The following AGAP3 variants were observed in gnomAD, a reference collection of about 807,000 sequenced individuals.
AGAP3 encodes the protein ArfGAP with GTPase domain, ankyrin repeat and PH domain 3, also known as arf-GAP with GTPase, ANK repeat and PH domain-containing protein 3.
Under a neutral mutation model 96.9 loss-of-function variants are expected in AGAP3, and 24 were observed. That is an observed-to-expected ratio of 0.25 (90% CI 0.18 to 0.35). The LOEUF (loss-of-function observed/expected upper bound fraction) is 0.35. Ranked by LOEUF, AGAP3 falls within the 10% of genes least tolerant of loss-of-function variation. AGAP3 has a pLI of 1.00. For synonymous variants in AGAP3, 563 were observed against 536.1 expected (o/e 1.05, Z -0.69); for missense variants, 876 against 1,254.2 (o/e 0.70, Z 4.55).
At chr7:151,119,647 T>TCAGGAC (rs1799772206) in intron 7 of AGAP3, among the ~76,000 whole-genome samples, 1 of 152,192 alleles carries the variant, frequency 6.6e-6, no homozygotes, top group Non-Finnish European at 1.5e-5. Context: ...CACCTGCAGG[T>TCAGGAC]CAGGACTCCA....
intron 1 of AGAP3, among the ~76,000 whole-genome samples, chr7:151,094,873 C>CCCTTCCTT (rs540835239): frequency 2.0e-5 from 3 of 150,624 alleles, no homozygotes; most frequent in Non-Finnish European, 3.0e-5. Flanking sequence ...CTCCCTTCCT[C>CCCTTCCTT]CCTTCCTTCC....
chr7:151,111,884 C>T (rs1022193408), intron 1 of AGAP3, among the ~76,000 whole-genome samples: 1 of 152,148 alleles, frequency 6.6e-6, no homozygotes, highest in Non-Finnish European at 1.5e-5. Flanking sequence ...AGAGAACTGA[C>T]GTGAGGGCTT....
In AGAP3 at chr7:151,143,384, C is replaced by T; in HGVS notation, c.2317C>T (p.Leu773Phe). 1 of 1,614,080 alleles carries T rather than the reference C, an allele frequency of 6.2e-7. No individual in the cohort carries two copies. Among genetic ancestry groups the T allele is most frequent in the Non-Finnish European group, 8.5e-7 (1 of 1,179,976 alleles). ...GATACGGGCCAAGTATGAACAGAAGCTCTTCCTGGCCCCACTGCCAAGCTC... is the reference window on the plus strand; with the variant it reads ...GATACGGGCCAAGTATGAACAGAAGTTCTTCCTGGCCCCACTGCCAAGCTC... ...RWIRAKYEQK[L>F]FLAPLPSSDV... The change falls in exon 17 of 18, where the codon CTC becomes TTC. Residue 773 changes from leucine to phenylalanine, a missense_variant. Physicochemically the swap from Leu to Phe is conservative, Grantham distance 22. Transcript: ENST00000397238. This position sits in a 1 kb window ranked among gnomAD's most constrained non-coding sequence, Gnocchi z 5.9.
intron 8 of AGAP3, chr7:151,123,324 C>T (rs886917712): frequency 6.0e-5 from 62 of 1,031,908 alleles, no homozygotes; most frequent in Non-Finnish European, 6.7e-5. Flanking sequence ...TCTCTCCTCT[C>T]TCTGTCCATC....
At chr7:151,123,374 C>G in intron 8 of AGAP3, 1 of 1,056,320 alleles carries the variant, frequency 9.5e-7, no homozygotes, top group Non-Finnish European at 1.1e-6. Context: ...CTCGGTGCCA[C>G]GTGCCGTGTG....
In AGAP3 at chr7:151,144,400, T is replaced by C; in HGVS notation, c.*457T>C. 5.6e-6 allele frequency: 1 copy of C among 177,028 alleles called. No individual in the cohort carries two copies. The highest frequency in any genetic ancestry group is 1.4e-4 in the South Asian group (1 of 6,968). 11.0% of individuals were successfully genotyped at this position (177,028 alleles called of 1,614,324 possible). The stretch of plus-strand genomic sequence containing the variant: ...TTTGTGTACATATTTGATGTGTGTG[T>C]GTATGATGAGCCAATAAACCAGACT... On this transcript the variant is annotated 3_prime_UTR_variant, in exon 18 of 18. Coordinates refer to ENST00000397238, the MANE Select transcript of AGAP3 (RefSeq NM_031946.7).
chr7:151,124,044 C>G (rs1433123608), intron 9 of AGAP3, among the ~76,000 whole-genome samples, 158 bp downstream of exon 9: 2 of 152,214 alleles, frequency 1.3e-5, no homozygotes, highest in Non-Finnish European at 2.9e-5. Flanking sequence ...ACTGGCTCTC[C>G]AGTGAGAAGC....
Position 151,142,771 on chromosome 7 carries a change from TG to T in AGAP3, c.2273+142del. On this transcript the variant is annotated intron_variant, in intron 16 of 17. Coordinates refer to ENST00000397238, the MANE Select transcript of AGAP3 (RefSeq NM_031946.7). This position sits in a 1 kb window ranked among gnomAD's most constrained non-coding sequence, Gnocchi z 7.5. ...TTGCTCTGCTTGGCAGTTGGCCCCTTGGGGGTGCCCCTCCTGCTCTGGTGCC... is the reference window on the plus strand; with the variant it reads ...TTGCTCTGCTTGGCAGTTGGCCCCTTGGGGTGCCCCTCCTGCTCTGGTGCC... 1 of 940,108 alleles carries T rather than the reference TG, an allele frequency of 1.1e-6. No homozygotes were observed. Among genetic ancestry groups the T allele is most frequent in the Non-Finnish European group, 1.6e-6 (1 of 637,632 alleles). 58.2% of individuals were successfully genotyped at this position (940,108 alleles called of 1,614,324 possible).
At position 151,141,910 on chromosome 7, in the gene AGAP3, C is replaced by T. The variant is rs1430139720; in HGVS notation, c.1817C>T (p.Ser606Leu). The change falls in exon 14 of 18, where the codon TCG (serine) becomes TTG (leucine). Residue 606 changes from serine to leucine, a missense_variant. Ser to Leu is a moderately radical substitution (Grantham distance 145). Transcript: ENST00000397238. This position sits in a 1 kb window ranked among gnomAD's most constrained non-coding sequence, Gnocchi z 4.2. ...ACCCCCCCAACAGAGGCAGAGGAGT[C>T]GTTTGAATTTGTGGTGGTGTCCCTC... ...PSSATEEAEE[S>L]FEFVVVSLTG... The T allele has an allele frequency of 1.9e-5, 30 of 1,613,884 alleles. No homozygotes were observed. Among genetic ancestry groups the T allele is most frequent in the Admixed American group, 5.0e-5 (3 of 59,996 alleles).
intron 5 of AGAP3, chr7:151,117,985 GT>G (rs1487345114): frequency 3.8e-5 from 34 of 889,028 alleles, no homozygotes; most frequent in South Asian, 3.5e-4. Context: ...GCAGGTCTGT[GT>G]TTTTTTAGAT....
At chr7:151,132,804 CTCCTT>C (rs1800450225) in intron 10 of AGAP3, among the ~76,000 whole-genome samples, 1 of 152,230 alleles carries the variant, frequency 6.6e-6, no homozygotes, top group Admixed American at 6.5e-5. Flanking sequence ...GACCAGGTGA[CTCCTT>C]GTCTACCTGA....
intron 8 of AGAP3, among the ~76,000 whole-genome samples, chr7:151,121,944 G>A (rs975804283): frequency 6.6e-6 from 1 of 152,222 alleles, no homozygotes; most frequent in Non-Finnish European, 1.5e-5. Flanking sequence ...TCTGTGGCTA[G>A]TGACCCCCTA....
chr7:151,143,661 CTCT>C lies in AGAP3; in HGVS notation c.2529+70_2530-69del, dbSNP rs1800909690. The C allele has an allele frequency of 1.2e-6, 2 of 1,605,032 alleles. No homozygotes were observed. Among genetic ancestry groups the C allele is most frequent in the Admixed American group, 3.4e-5 (2 of 59,608 alleles). The stretch of plus-strand genomic sequence containing the variant: ...CTTAGCCTTGTTCTTTGAAAGCAAC[CTCT>C]TCTTTCCTCCCCTACAACCAATCTC... On this transcript the variant is annotated intron_variant, in intron 17 of 17. Transcript: ENST00000397238. The surrounding 1 kb of genome is among the most constrained non-coding windows in gnomAD (Gnocchi z 5.9).
intron 1 of AGAP3, among the ~76,000 whole-genome samples, chr7:151,099,411 A>G (rs1798749336): frequency 9.6e-6 from 1 of 104,510 alleles, no homozygotes. Flanking sequence ...TTTGTCGAGC[A>G]CCCACCTAGG....
intron 1 of AGAP3, among the ~76,000 whole-genome samples, chr7:151,092,425 C>G (rs1471909457): frequency 1.3e-5 from 2 of 152,182 alleles, no homozygotes; most frequent in Non-Finnish European, 2.9e-5. Flanking sequence ...TGCTTTCCTC[C>G]TGACCCCTAG....
chr7:151,090,405 T>C (rs1427561436), intron 1 of AGAP3: 2 of 74,100 alleles, frequency 2.7e-5, no homozygotes, highest in Non-Finnish European at 5.0e-5. Flanking sequence ...TTTTTTTTTT[T>C]AAACAGTTAC....
rs1800491377 is a variant in AGAP3, at chr7:151,133,851, G to C, written c.1327-549G>C. ...ATTGGTGGTACCTGTGAGAGCACCTGTTGCTGTATTCCAAAGTCCAGCAAA... is the reference window on the plus strand; with the variant it reads ...ATTGGTGGTACCTGTGAGAGCACCTCTTGCTGTATTCCAAAGTCCAGCAAA... On this transcript the variant is annotated intron_variant, in intron 10 of 17. Coordinates refer to ENST00000397238, the MANE Select transcript of AGAP3 (RefSeq NM_031946.7). This position sits in a 1 kb window ranked among gnomAD's most constrained non-coding sequence, Gnocchi z 5.4. 6.6e-6 allele frequency among the ~76,000 whole-genome samples: 1 copy of C among 152,216 alleles called. No homozygotes were observed. The highest frequency in any genetic ancestry group is 1.5e-5 in the Non-Finnish European group (1 of 68,032).
Position 151,118,628 on chromosome 7 carries a change from A to G in AGAP3, c.965A>G (p.Asn322Ser). 1.2e-6 allele frequency: 2 copies of G among 1,612,646 alleles called. No individual in the cohort carries two copies. Among genetic ancestry groups the G allele is most frequent in the Non-Finnish European group, 1.7e-6 (2 of 1,179,904 alleles). The change falls in exon 7 of 18, where the codon AAC (asparagine) becomes AGC (serine). Residue 322 changes from asparagine (N) to serine (S), a missense_variant. Asn to Ser is a conservative substitution (Grantham distance 46). Around this residue, in one of 8 missense-constraint regions of AGAP3, gnomAD observed 100 missense variants for 129.4 expected, o/e 0.77. Coordinates refer to ENST00000397238, the MANE Select transcript of AGAP3 (RefSeq NM_031946.7). The surrounding 1 kb of genome is among the most constrained non-coding windows in gnomAD (Gnocchi z 6.1). ...SAASIPAVHI[N>S]QATNGGGSAF... is the part of the protein sequence containing the mutation. Reference sequence around the variant, plus strand: ...GCCTCCATCCCGGCCGTGCACATCAACCAGGTTCGGCCTGTGCCCCGCCCT... The same window carrying G: ...GCCTCCATCCCGGCCGTGCACATCAGCCAGGTTCGGCCTGTGCCCCGCCCT...
At chr7:151,117,917 C>G (rs142633074) in intron 5 of AGAP3, 140 bp downstream of exon 5, 1 of 1,209,784 alleles carries the variant, frequency 8.3e-7, no homozygotes, top group South Asian at 1.6e-5. Context: ...CAGCACTCTC[C>G]GTGCTGCTCG....
Sources: gnomAD v4.1 joint callset for allele counts (sites outside exome capture counted in the v4.1 genomes callset) on GRCh38, gnomAD v4.1.1 for gene constraint, gnomAD v4.1.1 regional missense constraint, Gnocchi (gnomAD v3.1) non-coding constraint, MANE v1.5 for transcripts, NCBI Gene and HGNC (gene_info 2026-07-23, HGNC 2026-07-21) for gene names.